Variants in NAT1 observed in about 807,000 individuals in gnomAD.
The protein encoded by NAT1 is N-acetyltransferase 1.
For synonymous variants in NAT1, 144 were observed against 122.6 expected, an observed-to-expected ratio of 1.17 and a Z score of -1.16; for missense variants, 400 against 339.2, an observed-to-expected ratio of 1.18 and a Z score of -1.41.
At chr8:18,202,749 A>G (rs187716167) in intron 2 of NAT1, among the ~76,000 whole-genome samples, 29 of 152,180 alleles carry the variant, frequency 1.9e-4, no homozygotes, top group African/African-American at 2.7e-4. Context: ...CAGCTTACAA[A>G]GGTAGTGAGG....
intron 2 of NAT1, among the ~76,000 whole-genome samples, chr8:18,195,319 A>C (rs1803186273): frequency 6.6e-6 from 1 of 152,190 alleles, no homozygotes; most frequent in Non-Finnish European, 1.5e-5. Context: ...TGCTTCCAGA[A>C]CTGCAGTCCC....
chr8:18,208,791 G>C (rs28359471), upstream of NAT1, among the ~76,000 whole-genome samples: 11,898 of 152,214 alleles, frequency 0.078, 1,259 homozygotes, highest in African/African-American at 0.24. Flanking sequence ...GCCACAGAGG[G>C]AGCATTTAGA....
At chr8:18,188,408 G>C (rs1802829151) in intron 2 of NAT1, among the ~76,000 whole-genome samples, 1 of 151,982 alleles carries the variant, frequency 6.6e-6, no homozygotes. Context: ...CCACTGATTT[G>C]TTTAAGATAT....
intron 2 of NAT1, among the ~76,000 whole-genome samples, chr8:18,202,828 G>A (rs1803528381): frequency 6.6e-6 from 1 of 152,144 alleles, no homozygotes; most frequent in African/African-American, 2.4e-5. Flanking sequence ...CAGCGTGGAA[G>A]GGGACCCCAG....
intron 2 of NAT1, among the ~76,000 whole-genome samples, chr8:18,200,694 AT>A (rs1442830168): frequency 6.6e-6 from 1 of 152,190 alleles, no homozygotes; most frequent in East Asian, 1.9e-4. Context: ...AAGTTAAAAA[AT>A]AATAAAAAAA....
intron 1 of NAT1, among the ~76,000 whole-genome samples, chr8:18,215,407 C>T (rs1421217011): frequency 6.6e-6 from 1 of 152,156 alleles, no homozygotes; most frequent in Non-Finnish European, 1.5e-5. Flanking sequence ...AGCTTTTCTG[C>T]CACATAAGCA....
At chr8:18,214,345 G>C (rs566304769) in intron 1 of NAT1, among the ~76,000 whole-genome samples, 2 of 152,246 alleles carry the variant, frequency 1.3e-5, no homozygotes, top group Admixed American at 6.5e-5. Context: ...TTTTATGTTT[G>C]ATATTACCTT....
At chr8:18,198,118 A>G (rs930305313) in intron 2 of NAT1, among the ~76,000 whole-genome samples, 1 of 151,946 alleles carries the variant, frequency 6.6e-6, no homozygotes, top group Non-Finnish European at 1.5e-5. Context: ...AAATTTATGG[A>G]CCATTTCCTT....
intron 1 of NAT1, among the ~76,000 whole-genome samples, chr8:18,215,807 G>T (rs1804599462): frequency 6.6e-6 from 1 of 152,120 alleles, no homozygotes; most frequent in African/African-American, 2.4e-5. Context: ...GGTGTGGCTG[G>T]TGAGATGTCC....
At chr8:18,175,791 C>T (rs1278194358) in intron 2 of NAT1, among the ~76,000 whole-genome samples, 1 of 152,032 alleles carries the variant, frequency 6.6e-6, no homozygotes, top group Non-Finnish European at 1.5e-5. Flanking sequence ...AAACTTCATA[C>T]TTTTTCCCAA....
intron 2 of NAT1, among the ~76,000 whole-genome samples, chr8:18,197,114 C>T (rs544418329): frequency 6.6e-6 from 1 of 152,252 alleles, no homozygotes; most frequent in Non-Finnish European, 1.5e-5. Flanking sequence ...AACTAACTCA[C>T]TATTATGAGA....
At chr8:18,178,105 G>T (rs938618281) in intron 2 of NAT1, among the ~76,000 whole-genome samples, 2 of 152,070 alleles carry the variant, frequency 1.3e-5, no homozygotes, top group Non-Finnish European at 2.9e-5. Context: ...GGAGGGAGAT[G>T]GGAAATGGCA....
chr8:18,177,748 A>T (rs911373742), intron 2 of NAT1, among the ~76,000 whole-genome samples: 2 of 152,248 alleles, frequency 1.3e-5, no homozygotes, highest in African/African-American at 4.8e-5. Flanking sequence ...TAGAAGTCTT[A>T]GTTTTCAGTT....
intron 2 of NAT1, among the ~76,000 whole-genome samples, chr8:18,192,852 A>AG (rs1307809072): frequency 9.9e-4 from 138 of 139,290 alleles, no homozygotes; most frequent in African/African-American, 3.4e-3. Flanking sequence ...GGGTGGGGGA[A>AG]GGGGGGAGGG....
At chr8:18,204,719 A>G (rs1026423511) in intron 2 of NAT1, among the ~76,000 whole-genome samples, 1 of 152,250 alleles carries the variant, frequency 6.6e-6, no homozygotes, top group Non-Finnish European at 1.5e-5. Flanking sequence ...TTAAAATGGT[A>G]GTCAATATAC....
chr8:18,212,584 T>C (rs1237098733), intron 1 of NAT1: 1 of 152,250 alleles, frequency 6.6e-6, no homozygotes, highest in Non-Finnish European at 1.5e-5. Flanking sequence ...TACTAAGTCA[T>C]TGATCCAGCA....
intron 2 of NAT1, among the ~76,000 whole-genome samples, chr8:18,198,857 T>C (rs1390184462): frequency 6.6e-6 from 1 of 152,172 alleles, no homozygotes; most frequent in Non-Finnish European, 1.5e-5. Flanking sequence ...GATGTGAAAG[T>C]AAAACAACTT....
intron 1 of NAT1, among the ~76,000 whole-genome samples, chr8:18,217,780 C>A (rs1356327902): frequency 6.6e-6 from 1 of 152,158 alleles, no homozygotes; most frequent in East Asian, 1.9e-4. Flanking sequence ...TCAAGTCCTG[C>A]ACAAATCTCC....
At chr8:18,217,515 A>T (rs1413375129) in intron 1 of NAT1, among the ~76,000 whole-genome samples, 3 of 152,220 alleles carry the variant, frequency 2.0e-5, no homozygotes, top group Non-Finnish European at 2.9e-5. Flanking sequence ...TAAATCCACT[A>T]AATCAGCTTT....
Sources: gnomAD v4.1 joint callset for allele counts (sites outside exome capture counted in the v4.1 genomes callset) on GRCh38, gnomAD v4.1.1 for gene constraint, MANE v1.5 for transcripts, NCBI Gene and HGNC (gene_info 2026-07-23, HGNC 2026-07-21) for gene names.